ZNF248: variants seen among roughly 807,000 people sequenced by gnomAD.
ZNF248 encodes KRAB protein domain.
Under a neutral mutation model 44.3 loss-of-function variants are expected in ZNF248, and 20 were observed. The observed-to-expected ratio is 0.45, with a 90% CI of 0.32 to 0.66. The LOEUF (loss-of-function observed/expected upper bound fraction) is 0.66. Among genes scored for constraint, ZNF248 ranks in the 30% least tolerant of loss-of-function variants. The pLI, the probability that ZNF248 is intolerant of heterozygous loss-of-function variation, is 0.04. For synonymous variants in ZNF248, 224 were observed against 229.0 expected, an observed-to-expected ratio of 0.98 and a Z score of 0.20; for missense variants, 654 against 677.0, an observed-to-expected ratio of 0.97 and a Z score of 0.38.
At chr10:37,813,751 C>T (rs1453261327) in intron 6 of ZNF248, among the ~76,000 whole-genome samples, 3 of 152,082 alleles carry the variant, frequency 2.0e-5, no homozygotes, top group South Asian at 2.1e-4. Flanking sequence ...AAGTTATGTG[C>T]GTGTGCATGT....
chr10:37,784,242 G>T (rs958997863), intron 6 of ZNF248: 1 of 152,328 alleles, frequency 6.6e-6, no homozygotes, highest in African/African-American at 2.4e-5. Flanking sequence ...CATTATGCAT[G>T]TTCTGAATGT....
intron 6 of ZNF248, among the ~76,000 whole-genome samples, chr10:37,799,316 T>C (rs2049519978): frequency 6.6e-6 from 1 of 152,012 alleles, no homozygotes; most frequent in South Asian, 2.1e-4. Flanking sequence ...CCAGAGTTAT[T>C]AGAAAACCAG....
At chr10:37,839,246 G>A (rs776907409) in intron 3 of ZNF248, among the ~76,000 whole-genome samples, 4 of 152,202 alleles carry the variant, frequency 2.6e-5, no homozygotes, top group Non-Finnish European at 5.9e-5. Context: ...TGCTAGAGGA[G>A]TTAAGTGTGT....
chr10:37,779,964 T>G (rs1488803141), intron 6 of ZNF248, among the ~76,000 whole-genome samples: 1 of 150,600 alleles, frequency 6.6e-6, no homozygotes, highest in Non-Finnish European at 1.5e-5. Flanking sequence ...ACAAGGGATG[T>G]GAAGGACCTC....
chr10:37,838,759 A>C (rs1009139961), intron 3 of ZNF248, among the ~76,000 whole-genome samples: 1 of 152,198 alleles, frequency 6.6e-6, no homozygotes, highest in African/African-American at 2.4e-5. Context: ...AAGAAAAAAA[A>C]AGCAAACTCA....
intron 3 of ZNF248, among the ~76,000 whole-genome samples, chr10:37,844,792 G>A (rs2058986179): frequency 6.6e-6 from 1 of 152,088 alleles, no homozygotes; most frequent in African/African-American, 2.4e-5. Flanking sequence ...GCTAAACAGA[G>A]CAGTGAAAGA....
At chr10:37,815,777 G>C (rs2052349110) in intron 6 of ZNF248, among the ~76,000 whole-genome samples, 1 of 151,858 alleles carries the variant, frequency 6.6e-6, no homozygotes, top group Non-Finnish European at 1.5e-5. Context: ...CATTACCCAA[G>C]GTTTGCTAGG....
At chr10:37,760,085 T>A in the ZNF248 span, among the ~76,000 whole-genome samples, 1 of 152,140 alleles carries the variant, frequency 6.6e-6, no homozygotes, top group African/African-American at 2.4e-5. Context: ...CAAGGAAAAG[T>A]TTTTACACCT....
In ZNF248 at chr10:37,831,468, A is replaced by G. The variant is rs918756563; in HGVS notation, c.*147T>C. ...AATTCCCCTCAGTACAAATTTTCTA[A>G]TGAAAAGTTTTAATTTTTCTTGAAA... On this transcript the variant is annotated 3_prime_UTR_variant, in exon 6 of 6. Coordinates refer to ENST00000395867, the MANE Select transcript of ZNF248 (RefSeq NM_021045.3). 1.4e-6 allele frequency: 2 copies of G among 1,459,022 alleles called. No individual in the cohort carries two copies. The highest frequency in any genetic ancestry group is 1.8e-6 in the Non-Finnish European group (2 of 1,107,594). 90.4% of individuals were successfully genotyped at this position (1,459,022 alleles called of 1,614,324 possible).
intron 3 of ZNF248, among the ~76,000 whole-genome samples, chr10:37,850,665 A>G (rs538030443): frequency 6.6e-6 from 1 of 152,326 alleles, no homozygotes; most frequent in South Asian, 2.1e-4. Flanking sequence ...GTGATTTCTG[A>G]CAAAGGTACA....
intron 6 of ZNF248, among the ~76,000 whole-genome samples, chr10:37,814,329 ACTT>A (rs755016398): frequency 1.3e-5 from 2 of 152,242 alleles, no homozygotes; most frequent in South Asian, 2.1e-4. Flanking sequence ...TCAAAAAATG[ACTT>A]CTTTATACAT....
chr10:37,856,250 A>T (rs774619009), intron 3 of ZNF248, 46 bp downstream of exon 3: 6 of 1,597,106 alleles, frequency 3.8e-6, no homozygotes, highest in Non-Finnish European at 5.1e-6. Flanking sequence ...TAAACTTCAG[A>T]AATCCATTTT....
intron 3 of ZNF248, among the ~76,000 whole-genome samples, chr10:37,855,436 TATTAAGGAAAA>T (rs1371262912): frequency 6.9e-6 from 1 of 144,556 alleles, no homozygotes; most frequent in South Asian, 2.1e-4. Flanking sequence ...AAAAGCACTT[TATTAAGGAAAA>T]AAAATGAAAC....
chr10:37,771,431 T>C, the ZNF248 span, among the ~76,000 whole-genome samples: 1 of 152,066 alleles, frequency 6.6e-6, no homozygotes, highest in Non-Finnish European at 1.5e-5. Context: ...ACCATGGAAT[T>C]CTATGCAGCC....
intron 6 of ZNF248, chr10:37,795,330 G>C (rs943985876): frequency 1.3e-5 from 2 of 152,160 alleles, no homozygotes; most frequent in Non-Finnish European, 2.9e-5. Context: ...GCTCTCCCCT[G>C]TATGTGCTGT....
chr10:37,790,663 T>C (rs2048402825), intron 6 of ZNF248, among the ~76,000 whole-genome samples: 1 of 151,736 alleles, frequency 6.6e-6, no homozygotes, highest in East Asian at 1.9e-4. Context: ...TGAGCCGAGA[T>C]GGCATCACTG....
intron 6 of ZNF248, among the ~76,000 whole-genome samples, chr10:37,782,468 G>A (rs2047424532): frequency 6.6e-6 from 1 of 152,110 alleles, no homozygotes; most frequent in Non-Finnish European, 1.5e-5. Context: ...GGGTTGGGGG[G>A]CAGAGGGCAG....
chr10:37,796,949 G>GTT (rs34510209), intron 6 of ZNF248, among the ~76,000 whole-genome samples: 19 of 149,114 alleles, frequency 1.3e-4, no homozygotes, highest in African/African-American at 2.7e-4. Context: ...AACAAATATA[G>GTT]TTTTTTTTTT....
In ZNF248 at chr10:37,831,016, G is replaced by A; in HGVS notation, c.*599C>T. ...CTAGCACATCACTATATTTAAGTAT[G>A]TGTGTAGAAATATATTTACATATAC... On this transcript the variant is annotated 3_prime_UTR_variant, in exon 6 of 6. Coordinates refer to ENST00000395867, the MANE Select transcript of ZNF248 (RefSeq NM_021045.3). 1.2e-6 allele frequency: 1 copy of A among 859,974 alleles called. No individual in the cohort carries two copies. Among genetic ancestry groups the A allele is most frequent in the East Asian group, 4.5e-5 (1 of 22,126 alleles). The allele number at this position is 859,974 out of a possible 1,614,324, so 53.3% of individuals were successfully genotyped here.
Sources: allele counts gnomAD v4.1 joint callset (sites outside exome capture counted in the v4.1 genomes callset), GRCh38; gene constraint gnomAD v4.1.1; transcripts MANE v1.5; gene names NCBI Gene and HGNC (gene_info 2026-07-23, HGNC 2026-07-21).